The following ESR1 variants were observed in gnomAD, a reference collection of about 807,000 sequenced individuals.
The protein encoded by ESR1 is estrogen receptor 1.
Under a neutral mutation model 52.7 loss-of-function variants are expected in ESR1, and 12 were observed. The ratio of observed to expected loss-of-function variants is 0.23; its 90% CI spans 0.15 to 0.37. The LOEUF is 0.37. Among genes scored for constraint, ESR1 ranks in the 10% least tolerant of loss-of-function variants. The pLI, the probability that ESR1 is intolerant of heterozygous loss-of-function variation, is 1.00. For synonymous variants in ESR1, 305 were observed against 316.8 expected (o/e 0.96, Z 0.39); for missense variants, 584 against 779.7 (o/e 0.75, Z 2.99).
intron 2 of ESR1, among the ~76,000 whole-genome samples, chr6:151,742,769 A>T (rs1453141159): frequency 6.6e-6 from 1 of 152,196 alleles, no homozygotes; most frequent in Non-Finnish European, 1.5e-5. Context: ...TTATTCATTG[A>T]TCGTCATTAC....
chr6:151,973,481 AC>A (rs980234946), intron 4 of ESR1, among the ~76,000 whole-genome samples: 9 of 152,208 alleles, frequency 5.9e-5, no homozygotes, highest in Admixed American at 3.3e-4. Flanking sequence ...TCTGGGAGAT[AC>A]CAGGGAATCC....
chr6:152,109,360 G>A (rs1432966282), intron 6 of ESR1, among the ~76,000 whole-genome samples: 3 of 152,212 alleles, frequency 2.0e-5, no homozygotes, highest in East Asian at 3.9e-4. Flanking sequence ...CACATTCGTG[G>A]TGGCTTACAG....
intron 5 of ESR1, among the ~76,000 whole-genome samples, chr6:152,057,817 A>G (rs1167567190): frequency 2.6e-5 from 4 of 152,094 alleles, no homozygotes; most frequent in Non-Finnish European, 5.9e-5. Flanking sequence ...CAAGCATTAT[A>G]TTGTTGACAG....
At chr6:152,009,453 TA>T in intron 4 of ESR1, among the ~76,000 whole-genome samples, 1 of 152,192 alleles carries the variant, frequency 6.6e-6, no homozygotes, top group South Asian at 2.1e-4. Context: ...AATGATCTGT[TA>T]AAAAACACAT....
chr6:151,761,597 T>A (rs576216385), intron 2 of ESR1, among the ~76,000 whole-genome samples: 1 of 152,332 alleles, frequency 6.6e-6, no homozygotes, highest in East Asian at 1.9e-4. Context: ...ATAGAACATA[T>A]CCCTTTAACG....
intron 2 of ESR1, among the ~76,000 whole-genome samples, chr6:151,862,661 G>T (rs190688684): frequency 1.3e-5 from 2 of 152,104 alleles, no homozygotes; most frequent in Admixed American, 6.6e-5. Context: ...AACAGACTGC[G>T]GTGTTCACCT....
chr6:151,814,276 C>T (rs149227783), intron 1 of ESR1: 1 of 152,298 alleles, frequency 6.6e-6, no homozygotes, highest in African/African-American at 2.4e-5. Flanking sequence ...CATTGGCGTA[C>T]TTCCTCTTTC....
intron 6 of ESR1, chr6:152,122,182 T>C: frequency 1.8e-6 from 1 of 544,948 alleles, no homozygotes; most frequent in African/African-American, 1.9e-5. Context: ...CCTTACTCAA[T>C]CTCCTTAGTG....
rs181577953 is a variant in ESR1 at position 151,860,023 on chromosome 6, G to C, written c.643+17236G>C. Among the ~76,000 whole-genome samples the C allele has an allele frequency of 5.9e-5, 9 of 152,200 alleles. No homozygotes were observed. The East Asian group carries it at 1.5e-3, about 26-fold the overall frequency. On this transcript the variant is annotated intron_variant, in intron 2 of 7. Coordinates refer to ENST00000206249, the MANE Select transcript of ESR1 (RefSeq NM_000125.4). Reference sequence around the variant, plus strand: ...TGTTGGCTCTATCCCATTCCCTATAGATATCTTTCTGCTCTGAGACTAAGC... The same window carrying C: ...TGTTGGCTCTATCCCATTCCCTATACATATCTTTCTGCTCTGAGACTAAGC...
chr6:152,095,010 T>C lies in ESR1; in HGVS notation c.1553+442T>C, dbSNP rs946921083. Among the ~76,000 whole-genome samples the C allele has an allele frequency of 2.0e-5, 3 of 152,258 alleles. No individual in the cohort carries two copies. The East Asian group carries it at 5.8e-4, about 30-fold the overall frequency. ...CGGAGAGTCAATGTTGACTCCTTCA[T>C]ACCTGTTGAACCCCTTCTTGTCACC... is the stretch of plus-strand genomic sequence containing the variant. On this transcript the variant is annotated intron_variant, in intron 7 of 7. Coordinates refer to ENST00000206249, the MANE Select transcript of ESR1 (RefSeq NM_000125.4).
At chr6:151,701,224 T>A (rs1194909487) in intron 1 of ESR1, among the ~76,000 whole-genome samples, 2 of 151,202 alleles carry the variant, frequency 1.3e-5, no homozygotes, top group South Asian at 2.1e-4. Context: ...TTTTTTTTTT[T>A]AATTTCTAAT....
chr6:151,987,026 A>G (rs1180412709), intron 4 of ESR1, among the ~76,000 whole-genome samples: 1 of 152,048 alleles, frequency 6.6e-6, no homozygotes, highest in Non-Finnish European at 1.5e-5. Flanking sequence ...AATCTCCTCT[A>G]CAGGGAAGGA....
At chr6:151,988,223 T>C (rs1007987294) in intron 4 of ESR1, among the ~76,000 whole-genome samples, 1 of 152,140 alleles carries the variant, frequency 6.6e-6, no homozygotes, top group Non-Finnish European at 1.5e-5. Context: ...TGAGCTTCTT[T>C]TCCTGCAACT....
chr6:152,096,791 A>G (rs1379569087), intron 7 of ESR1: 2 of 398,250 alleles, frequency 5.0e-6, no homozygotes, highest in Admixed American at 5.2e-5. Flanking sequence ...GAGGGAAGCC[A>G]TGAGTGGATT....
chr6:151,863,219 T>C (rs1399852022), intron 2 of ESR1, among the ~76,000 whole-genome samples: 1 of 152,202 alleles, frequency 6.6e-6, no homozygotes, highest in Non-Finnish European at 1.5e-5. Context: ...ATTGAATCTA[T>C]AAATTACCTT....
At chr6:151,910,934 C>A (rs1798165808) in intron 3 of ESR1, among the ~76,000 whole-genome samples, 1 of 152,036 alleles carries the variant, frequency 6.6e-6, no homozygotes, top group African/African-American at 2.4e-5. Flanking sequence ...TGAAACTGAC[C>A]CACCTCAGAT....
intron 5 of ESR1, among the ~76,000 whole-genome samples, chr6:152,033,169 A>G (rs2044895768): frequency 6.6e-6 from 1 of 152,172 alleles, no homozygotes; most frequent in African/African-American, 2.4e-5. Context: ...TAAATGTTAG[A>G]TCAAAAACCA....
intron 2 of ESR1, among the ~76,000 whole-genome samples, chr6:151,786,675 C>CTT (rs11409681): frequency 3.1e-3 from 455 of 145,942 alleles, no homozygotes; most frequent in Non-Finnish European, 4.9e-3. Context: ...ATTATTAAGA[C>CTT]TTTTTTTTTT....
chr6:151,750,272 G>A (rs1022513755), intron 2 of ESR1, among the ~76,000 whole-genome samples: 7 of 152,110 alleles, frequency 4.6e-5, no homozygotes, highest in African/African-American at 7.2e-5. Context: ...TATGGCAAAC[G>A]TTTTCCAGAA....
Sources: allele counts gnomAD v4.1 joint callset (sites outside exome capture counted in the v4.1 genomes callset), GRCh38; gene constraint gnomAD v4.1.1; transcripts MANE v1.5; gene names NCBI Gene and HGNC (gene_info 2026-07-23, HGNC 2026-07-21).